Variants in ASCC1 observed in about 807,000 individuals in gnomAD.
ASCC1 encodes the protein activating signal cointegrator 1 complex subunit 1, also known as ASC-1 complex subunit P50.
Under a neutral mutation model 46.6 loss-of-function variants are expected in ASCC1, and 35 were observed. That is an observed-to-expected ratio of 0.75 (90% CI 0.57 to 0.99). The LOEUF is 0.99. Among genes scored for constraint, ASCC1 ranks in the 50% least tolerant of loss-of-function variants. The probability of loss-of-function intolerance (pLI) is 0.00; values close to 1 mark genes in which losing one functional copy is unlikely to be tolerated. For synonymous variants in ASCC1, 143 were observed against 146.6 expected (o/e 0.98, Z 0.18); for missense variants, 376 against 428.7 (o/e 0.88, Z 1.09).
At chr10:72,203,581 C>T in intron 3 of ASCC1, 57 bp from the exon 4 acceptor site, 1 of 1,235,736 alleles carries the variant, frequency 8.1e-7, no homozygotes, top group Non-Finnish European at 1.2e-6. Context: ...AATAAAGAAC[C>T]TCATTATGTT....
intron 5 of ASCC1, among the ~76,000 whole-genome samples, chr10:72,167,530 A>C (rs1457137998): frequency 6.6e-6 from 1 of 152,184 alleles, no homozygotes; most frequent in Non-Finnish European, 1.5e-5. Flanking sequence ...ATGACTGCAC[A>C]ACTCTGTAAA....
Position 72,179,344 on chromosome 10 carries a change from C to T in ASCC1, c.489+17467G>A, listed in dbSNP as rs146686024. Among the ~76,000 whole-genome samples the T allele has an allele frequency of 1.5e-3, 231 of 152,212 alleles. 3 individuals are homozygous for T. Among genetic ancestry groups the T allele is most frequent in the South Asian group, 0.014 (69 of 4,824 alleles). On this transcript the variant is annotated intron_variant, in intron 5 of 9. Coordinates refer to ENST00000672957, the MANE Select transcript of ASCC1 (RefSeq NM_001198800.3). Reference sequence around the variant, plus strand: ...CCTCAAATACTGTCCAAATTATTACCGAATTCCAGTCAAGGCTGTTCTCAC... The same window carrying T: ...CCTCAAATACTGTCCAAATTATTACTGAATTCCAGTCAAGGCTGTTCTCAC...
chr10:72,110,291 G>A (rs146529032), intron 9 of ASCC1, among the ~76,000 whole-genome samples: 301 of 152,340 alleles, frequency 2.0e-3, no homozygotes, highest in Admixed American at 4.3e-3. Flanking sequence ...CAAGTCAGCA[G>A]AAATGAATCC....
intron 7 of ASCC1, among the ~76,000 whole-genome samples, chr10:72,138,174 A>G (rs1352107809): frequency 6.6e-6 from 1 of 152,090 alleles, no homozygotes; most frequent in African/African-American, 2.4e-5. Context: ...TGAACCATAT[A>G]TTTCTAAATA....
At chr10:72,123,613 T>C (rs1344240641) in intron 9 of ASCC1, among the ~76,000 whole-genome samples, 2 of 152,150 alleles carry the variant, frequency 1.3e-5, no homozygotes, top group African/African-American at 4.8e-5. Context: ...GTTTATTAAA[T>C]TTTTTAAAAA....
chr10:72,141,767 A>G (rs1451352557), intron 7 of ASCC1, among the ~76,000 whole-genome samples: 1 of 152,196 alleles, frequency 6.6e-6, no homozygotes, highest in African/African-American at 2.4e-5. Flanking sequence ...GGTATCTGAT[A>G]CAATGCCTGG....
At chr10:72,171,478 G>A (rs985513472) in intron 5 of ASCC1, among the ~76,000 whole-genome samples, 25 of 151,864 alleles carry the variant, frequency 1.6e-4, no homozygotes, top group African/African-American at 5.8e-4. Context: ...CCAGGCTGGA[G>A]TACAATGGCA....
At chr10:72,174,879 T>C (rs1381255381) in intron 5 of ASCC1, among the ~76,000 whole-genome samples, 2 of 152,204 alleles carry the variant, frequency 1.3e-5, no homozygotes, top group Non-Finnish European at 2.9e-5. Context: ...TACAAACTTT[T>C]TACATGTTCC....
At chr10:72,172,290 C>G (rs1366123707) in intron 5 of ASCC1, among the ~76,000 whole-genome samples, 1 of 151,602 alleles carries the variant, frequency 6.6e-6, no homozygotes, top group African/African-American at 2.4e-5. Flanking sequence ...TGGTGCACAA[C>G]TGTAATCCCA....
chr10:72,155,549 A>C (rs1455051158), intron 6 of ASCC1, among the ~76,000 whole-genome samples: 1 of 152,246 alleles, frequency 6.6e-6, no homozygotes, highest in Non-Finnish European at 1.5e-5. Context: ...TTTTAGTGTA[A>C]GTAAATTACA....
chr10:72,111,628 G>T (rs116607569), intron 9 of ASCC1, among the ~76,000 whole-genome samples: 351 of 151,884 alleles, frequency 2.3e-3, no homozygotes, highest in African/African-American at 8.0e-3. Context: ...TTCATCCCTC[G>T]GATATGGGGA....
At chr10:72,167,986 C>T (rs909322394) in intron 5 of ASCC1, among the ~76,000 whole-genome samples, 2 of 151,970 alleles carry the variant, frequency 1.3e-5, no homozygotes, top group African/African-American at 2.4e-5. Flanking sequence ...GTCAGGAGAT[C>T]GGGACCATCC....
chr10:72,105,254 A>C (rs2131943343), intron 9 of ASCC1, among the ~76,000 whole-genome samples: 1 of 152,312 alleles, frequency 6.6e-6, no homozygotes. Flanking sequence ...TGCTGTCCAC[A>C]GACAGCGGGA....
At chr10:72,125,300 A>G (rs1844731396) in intron 9 of ASCC1, among the ~76,000 whole-genome samples, 2 of 152,092 alleles carry the variant, frequency 1.3e-5, no homozygotes, top group Admixed American at 6.5e-5. Flanking sequence ...TCCTTGGCCT[A>G]TGCAGCTGTT....
Position 72,193,445 on chromosome 10 carries a change from A to AACAC in ASCC1, c.489+3362_489+3365dup, listed in dbSNP as rs57910616. Among the ~76,000 whole-genome samples, 377 of 146,508 alleles carry AACAC rather than the reference A, an allele frequency of 2.6e-3. 1 individual carries two copies. Among genetic ancestry groups the AACAC allele is most frequent in the African/African-American group, 6.8e-3 (271 of 39,828 alleles). ...AGACAAAACTACAAATAATAAACAAAACACACACACACACACACACACACA... is the reference window on the plus strand; with the variant it reads ...AGACAAAACTACAAATAATAAACAAAACACACACACACACACACACACACACACA... On this transcript the variant is annotated intron_variant, in intron 5 of 9. Transcript: ENST00000672957.
At chr10:72,213,133 T>C in intron 2 of ASCC1, 54 bp downstream of exon 2, 1 of 1,278,698 alleles carries the variant, frequency 7.8e-7, no homozygotes. Context: ...AAATTGATCC[T>C]ACAATACACA....
intron 7 of ASCC1, among the ~76,000 whole-genome samples, chr10:72,142,179 A>G (rs1003216901): frequency 6.6e-6 from 1 of 151,976 alleles, no homozygotes; most frequent in East Asian, 1.9e-4. Context: ...AATTTTATCA[A>G]AAGTCTTTCA....
intron 8 of ASCC1, among the ~76,000 whole-genome samples, chr10:72,130,561 G>C (rs142154968): frequency 2.0e-5 from 3 of 152,146 alleles, no homozygotes; most frequent in African/African-American, 7.2e-5. Context: ...CCTGTGTTAA[G>C]AGATTAGTTA....
intron 7 of ASCC1, chr10:72,133,500 G>C (rs994441973): frequency 1.2e-5 from 4 of 322,466 alleles, no homozygotes; most frequent in African/African-American, 6.4e-5. Context: ...TTAAAGATTT[G>C]CAAATAACAC....
Sources: gnomAD v4.1 joint callset for allele counts (sites outside exome capture counted in the v4.1 genomes callset) on GRCh38, gnomAD v4.1.1 for gene constraint, MANE v1.5 for transcripts, NCBI Gene and HGNC (gene_info 2026-07-23, HGNC 2026-07-21) for gene names.